The following CDK14 variants were observed in gnomAD, a reference collection of about 807,000 sequenced individuals.
CDK14 encodes the protein cyclin dependent kinase 14, also known as cyclin-dependent kinase 14.
In CDK14, 34 loss-of-function variants were observed where a neutral mutation model predicts 60.7. That is an observed-to-expected ratio of 0.56 (90% CI 0.43 to 0.75). The LOEUF is 0.75. Among genes scored for constraint, CDK14 ranks in the 30% least tolerant of loss-of-function variants. The pLI is 0.00. For synonymous variants in CDK14, 197 were observed against 203.7 expected (o/e 0.97, Z 0.28); for missense variants, 482 against 564.1 (o/e 0.85, Z 1.47).
rs1369809555 is a variant in CDK14, at chr7:91,091,501, T to TTTTATATATA, written c.1154+12022_1154+12023insTTATATATAT. On this transcript the variant is annotated intron_variant, in intron 12 of 14. Transcript: ENST00000380050. Reference sequence around the variant, plus strand: ...TATATGTATATGTAGTTTATATATTTTATATATATATATATAAATTAGCCA... The same window carrying TTTTATATATA: ...TATATGTATATGTAGTTTATATATTTTTTATATATATATATATATATATATAAATTAGCCA... Among the ~76,000 whole-genome samples, 10 of 88,988 alleles carry TTTTATATATA rather than the reference T, an allele frequency of 1.1e-4. 1 individual carries two copies. The highest frequency in any genetic ancestry group is 4.0e-4 in the East Asian group (1 of 2,520). The allele number at this position is 88,988 out of a possible 152,430, so 58.4% of individuals were successfully genotyped here. A position where few individuals can be genotyped will look rare whatever the true frequency, so the allele number is the denominator to read the frequency against.
chr7:90,806,086 A>G (rs1788821022), intron 5 of CDK14, among the ~76,000 whole-genome samples: 1 of 152,178 alleles, frequency 6.6e-6, no homozygotes, highest in Non-Finnish European at 1.5e-5. Context: ...TGGATATTCA[A>G]ATGCAAAAAG....
chr7:90,839,995 G>A (rs1790238049), intron 5 of CDK14, among the ~76,000 whole-genome samples: 1 of 152,150 alleles, frequency 6.6e-6, no homozygotes, highest in South Asian at 2.1e-4. Context: ...AAGAATGAAG[G>A]ATGTGAGTTA....
chr7:90,919,015 C>T (rs1193532623), intron 8 of CDK14, among the ~76,000 whole-genome samples: 3 of 152,136 alleles, frequency 2.0e-5, no homozygotes, highest in African/African-American at 7.2e-5. Context: ...TGGAATTACA[C>T]TAGGTGGCTG....
At chr7:91,070,454 A>G (rs2116176202) in intron 11 of CDK14, among the ~76,000 whole-genome samples, 1 of 152,338 alleles carries the variant, frequency 6.6e-6, no homozygotes, top group South Asian at 2.1e-4. Flanking sequence ...TATGTGTGGA[A>G]TTAATGAAAA....
intron 14 of CDK14, among the ~76,000 whole-genome samples, chr7:91,118,415 T>A (rs1340339934): frequency 1.3e-5 from 2 of 152,196 alleles, no homozygotes; most frequent in Non-Finnish European, 2.9e-5. Flanking sequence ...AAATTATACT[T>A]ATGCTTTTAT....
At chr7:90,602,994 A>G (rs1433665665) in intron 1 of CDK14, among the ~76,000 whole-genome samples, 3 of 152,182 alleles carry the variant, frequency 2.0e-5, no homozygotes, top group African/African-American at 7.2e-5. Context: ...GTTTAGGCAC[A>G]TTACTTTTCT....
intron 2 of CDK14, among the ~76,000 whole-genome samples, chr7:90,614,882 G>A (rs944228813): frequency 6.6e-6 from 1 of 152,082 alleles, no homozygotes; most frequent in African/African-American, 2.4e-5. Flanking sequence ...TGACCTGGGT[G>A]TTCCACGAGC....
chr7:91,136,765 C>T (rs1435985916), intron 14 of CDK14, among the ~76,000 whole-genome samples: 1 of 151,956 alleles, frequency 6.6e-6, no homozygotes, highest in Non-Finnish European at 1.5e-5. Context: ...GGATTTTTGT[C>T]TCATTTTGAA....
At chr7:91,205,526 G>A (rs961147929) in intron 14 of CDK14, among the ~76,000 whole-genome samples, 4 of 152,138 alleles carry the variant, frequency 2.6e-5, no homozygotes, top group Admixed American at 6.5e-5. Context: ...GTTGTCAGGG[G>A]CTGGGACAAG....
chr7:90,775,829 T>C (rs1256901921), intron 4 of CDK14, among the ~76,000 whole-genome samples: 1 of 151,238 alleles, frequency 6.6e-6, no homozygotes, highest in East Asian at 1.9e-4. Context: ...TAGTTTTTGT[T>C]ATTTGGTGTT....
rs182221906 is a variant in CDK14, at chr7:91,126,059, T to C, written c.*28+7851T>C. On this transcript the variant is annotated intron_variant, in intron 14 of 14. Coordinates refer to ENST00000380050, the MANE Select transcript of CDK14 (RefSeq NM_001287135.2). Reference sequence around the variant, plus strand: ...GTATAATGATAACACATAATTATATTGTATCTTTCCTTGGTCAACAAATCT... The same window carrying C: ...GTATAATGATAACACATAATTATATCGTATCTTTCCTTGGTCAACAAATCT... Among the ~76,000 whole-genome samples, 446 of 152,312 alleles carry C rather than the reference T, an allele frequency of 2.9e-3. 2 individuals carry two copies. Among genetic ancestry groups the C allele is most frequent in the African/African-American group, 9.8e-3 (407 of 41,566 alleles).
chr7:91,004,943 A>C (rs1301386010), intron 10 of CDK14, among the ~76,000 whole-genome samples: 1 of 152,212 alleles, frequency 6.6e-6, no homozygotes, highest in Non-Finnish European at 1.5e-5. Flanking sequence ...GAGGGAGAGA[A>C]CCCAAGAAAG....
In CDK14 at chr7:90,804,509, G is replaced by A. The variant is rs138258586; in HGVS notation, c.544+13857G>A. On this transcript the variant is annotated intron_variant, in intron 5 of 14. Transcript: ENST00000380050. ...TTGACAGGCAAAAATTTTGTAAATG[G>A]AAGATAAAAATCCATGAGTCTAGAC... 6.7e-4 allele frequency among the ~76,000 whole-genome samples: 102 copies of A among 152,158 alleles called. 1 individual carries two copies. The East Asian group carries it at 0.018, about 27-fold the overall frequency.
At chr7:90,783,442 C>T (rs776968678) in intron 4 of CDK14, among the ~76,000 whole-genome samples, 2 of 152,000 alleles carry the variant, frequency 1.3e-5, no homozygotes, top group Non-Finnish European at 2.9e-5. Context: ...TAGTAGTAAG[C>T]GTCTACAAGC....
At position 90,899,295 on chromosome 7, in the gene CDK14, C is replaced by G. The variant is rs1372152173; in HGVS notation, c.644C>G (p.Thr215Ser). The change falls in exon 7 of 15, where the codon ACT becomes AGT. Residue 215 changes from threonine (T) to serine (S), a missense_variant. Coordinates refer to ENST00000380050, the MANE Select transcript of CDK14 (RefSeq NM_001287135.2). ...TLTLVFEYVHTDLCQYMDKHP... is the reference protein window; with the variant it reads ...TLTLVFEYVHSDLCQYMDKHP... ...ATTTTTCCTTTTCTTTTCTAGCACA[C>G]TGATTTATGTCAGTACATGGACAAG... The G allele has an allele frequency of 1.9e-6, 3 of 1,600,042 alleles. No individual in the cohort carries two copies. In the South Asian group the frequency reaches 3.4e-5, roughly 18 times the overall value.
At chr7:90,850,653 A>G (rs1790619865) in intron 5 of CDK14, among the ~76,000 whole-genome samples, 1 of 152,108 alleles carries the variant, frequency 6.6e-6, no homozygotes, top group Non-Finnish European at 1.5e-5. Flanking sequence ...ACCATGGGGG[A>G]TTGAAGATCT....
chr7:90,779,573 G>T (rs1045501703), intron 4 of CDK14, among the ~76,000 whole-genome samples: 24 of 152,004 alleles, frequency 1.6e-4, no homozygotes, highest in African/African-American at 5.6e-4. Context: ...AATGCATATT[G>T]TATTCTTTAA....
chr7:91,035,468 C>A (rs1481125149), intron 10 of CDK14, among the ~76,000 whole-genome samples: 3 of 152,176 alleles, frequency 2.0e-5, no homozygotes, highest in Admixed American at 6.5e-5. Flanking sequence ...AGTCAGTCTC[C>A]CATTCACAAT....
At chr7:90,909,916 A>G (rs1490716076) in intron 7 of CDK14, among the ~76,000 whole-genome samples, 2 of 152,212 alleles carry the variant, frequency 1.3e-5, no homozygotes, top group African/African-American at 2.4e-5. Context: ...CTAAAAAAGC[A>G]GAAAGAAGAA....
Sources: gnomAD v4.1 joint callset for allele counts (sites outside exome capture counted in the v4.1 genomes callset) on GRCh38, gnomAD v4.1.1 for gene constraint, MANE v1.5 for transcripts, NCBI Gene and HGNC (gene_info 2026-07-23, HGNC 2026-07-21) for gene names.